The following DNTTIP1 variants were observed in gnomAD, a reference collection of about 807,000 sequenced individuals.
The protein encoded by DNTTIP1 is deoxynucleotidyltransferase terminal interacting protein 1, also known as deoxynucleotidyltransferase terminal-interacting protein 1.
A neutral mutation model predicts 52.9 loss-of-function variants in DNTTIP1; 22 were observed. That is an observed-to-expected ratio of 0.42 (90% confidence interval 0.30 to 0.59). The LOEUF (loss-of-function observed/expected upper bound fraction) is 0.59. DNTTIP1 is among the 20% of genes least tolerant of loss of function. The pLI is 0.22. For missense variants in DNTTIP1, 286 were observed against 435.5 expected (o/e 0.66, Z 3.06); for synonymous variants, 136 against 155.1 (o/e 0.88, Z 0.92).
At chr20:45,792,880 G>A in intron 2 of DNTTIP1, 133 bp downstream of exon 2, 2 of 705,060 alleles carry the variant, frequency 2.8e-6, no homozygotes, top group South Asian at 2.3e-5. Context: ...AGGAGACTCC[G>A]ATTCTGTAAC....
intron 10 of DNTTIP1, among the ~76,000 whole-genome samples, chr20:45,808,794 A>G (rs1568710418): frequency 6.6e-6 from 1 of 152,228 alleles, no homozygotes; most frequent in Non-Finnish European, 1.5e-5. Context: ...TACAGACGTT[A>G]TAAGCCACCT....
intron 4 of DNTTIP1, among the ~76,000 whole-genome samples, chr20:45,797,169 T>C (rs1601026127): frequency 6.6e-6 from 1 of 152,220 alleles, no homozygotes; most frequent in African/African-American, 2.4e-5. Flanking sequence ...AAAGATGAAT[T>C]AGATCATGTC....
Position 45,794,801 on chromosome 20 carries a change from A to ATT in DNTTIP1, c.274-528_274-527dup, listed in dbSNP as rs1225181993. ...TCATCTCTACTAAAAAAAAAAAAAAATTTTTTTTTTTTTTTTTGAGACAGA... is the reference window on the plus strand; with the variant it reads ...TCATCTCTACTAAAAAAAAAAAAAAATTTTTTTTTTTTTTTTTTTGAGACAGA... On this transcript the variant is annotated intron_variant, in intron 3 of 12. Coordinates refer to ENST00000372622, the MANE Select transcript of DNTTIP1 (RefSeq NM_052951.3). 7.0e-3 allele frequency among the ~76,000 whole-genome samples: 906 copies of ATT among 129,994 alleles called. 6 individuals carry two copies. Among genetic ancestry groups the ATT allele is most frequent in the Admixed American group, 0.012 (150 of 12,080 alleles). The allele number at this position is 129,994 out of a possible 152,430, so 85.3% of individuals were successfully genotyped here.
At position 45,801,079 on chromosome 20, in the gene DNTTIP1, A is replaced by T; in HGVS notation, c.378A>T (p.Lys126Asn). ...EACRSCLEQAKLLFSDGEKVI... is the reference protein window; with the variant it reads ...EACRSCLEQANLLFSDGEKVI... ...CTTGGTCTTTTTCCCTTCAGGCTAA[A>T]CTGCTCTTTTCAGATGGAGAAAAAG... Residue 126 changes from lysine (K) to asparagine (N), a missense_variant, in exon 5 of 13, where the codon AAA becomes AAT. Physicochemically the swap from Lys to Asn is moderately conservative, Grantham distance 94. This residue lies in a region of DNTTIP1 where 208 missense variants were observed against 266.5 expected (regional missense o/e 0.78). Transcript: ENST00000372622. 1 of 1,614,054 alleles carries T rather than the reference A, an allele frequency of 6.2e-7. No homozygotes were observed. Among genetic ancestry groups the T allele is most frequent in the Non-Finnish European group, 8.5e-7 (1 of 1,179,960 alleles).
rs753404688 is a variant in DNTTIP1 at position 45,811,230 on chromosome 20, T to G, written c.*35T>G. 3.8e-6 allele frequency: 6 copies of G among 1,574,050 alleles called. No homozygotes were observed. Among genetic ancestry groups the G allele is most frequent in the Non-Finnish European group, 5.2e-6 (6 of 1,162,578 alleles). ...CCCTGGCCACACTTGGCAGCCCTCC[T>G]CCAAAGCCCTCTTCCTCACGTGGCT... On this transcript the variant is annotated 3_prime_UTR_variant, in exon 13 of 13. Transcript: ENST00000372622.
At chr20:45,807,395 A>G (rs192667166) in intron 10 of DNTTIP1, among the ~76,000 whole-genome samples, 1 of 152,108 alleles carries the variant, frequency 6.6e-6, no homozygotes, top group South Asian at 2.1e-4. Flanking sequence ...TGCTGGAATT[A>G]TAGACTTGAG....
At position 45,791,988 on chromosome 20, in the gene DNTTIP1, T is replaced by G. The variant is rs537265654; in HGVS notation, c.-17T>G. 2 of 1,243,548 alleles carry G rather than the reference T, an allele frequency of 1.6e-6. No individual in the cohort carries two copies. The highest frequency in any genetic ancestry group is 1.5e-5 in the African/African-American group (1 of 64,948). The allele number at this position is 1,243,548 out of a possible 1,614,324, so 77.0% of individuals were successfully genotyped here. ...CCGGTGACAGAGTCCAGCGGAGTTG[T>G]GGGGGCCGGGGGCGCCATGGGAGCC... On this transcript the variant is annotated 5_prime_UTR_variant, in exon 1 of 13. Transcript: ENST00000372622.
rs1300872484 is a variant in DNTTIP1 at position 45,793,907 on chromosome 20, C to T, written c.177-14C>T. ...GGGACATGCCCCCTCACCCTGTCTC[C>T]CTCCTGAATGCAGTTTCACAGATCC... is the stretch of plus-strand genomic sequence containing the variant. On this transcript the variant is annotated splice_polypyrimidine_tract_variant and intron_variant, in intron 2 of 12. Transcript: ENST00000372622. 2 of 1,561,230 alleles carry T rather than the reference C, an allele frequency of 1.3e-6. No homozygotes were observed. Among genetic ancestry groups the T allele is most frequent in the Non-Finnish European group, 1.7e-6 (2 of 1,147,922 alleles).
Position 45,794,938 on chromosome 20 carries a change from A to G in DNTTIP1, c.274-407A>G, listed in dbSNP as rs1029449534. Reference sequence around the variant, plus strand: ...CCCAGCCTCCCAAGTAGCTGGGATTACAGGCATCCGCCACCACGCCCAGCT... The same window carrying G: ...CCCAGCCTCCCAAGTAGCTGGGATTGCAGGCATCCGCCACCACGCCCAGCT... On this transcript the variant is annotated intron_variant, in intron 3 of 12. Transcript: ENST00000372622. 5.9e-5 allele frequency among the ~76,000 whole-genome samples: 9 copies of G among 151,936 alleles called. No homozygotes were observed. In the East Asian group the frequency reaches 1.8e-3, roughly 30 times the overall value.
Position 45,795,405 on chromosome 20 carries a change from C to T in DNTTIP1, c.334C>T (p.Gln112Ter), listed in dbSNP as rs1981205328. The change falls in exon 4 of 13, where the codon CAG becomes TAG. Residue 112 changes from glutamine (Q) to a stop codon, truncating the protein, a stop_gained. Transcript: ENST00000372622. LOFTEE classifies it high-confidence loss of function. The part of the protein sequence containing the change: ...DNVGEEVDAE[Q>*]LIQEACRSCL... ...TGTTGGGGAGGAGGTGGACGCAGAG[C>T]AGCTGATCCAGGAAGCCTGTCGGAG... 1.2e-6 allele frequency: 2 copies of T among 1,611,214 alleles called. No individual in the cohort carries two copies. Among genetic ancestry groups the T allele is most frequent in the Non-Finnish European group, 1.7e-6 (2 of 1,178,608 alleles).
intron 4 of DNTTIP1, among the ~76,000 whole-genome samples, chr20:45,795,696 G>A (rs1981216201): frequency 6.6e-6 from 1 of 152,298 alleles, no homozygotes; most frequent in South Asian, 2.1e-4. Context: ...CTGCTTGGGA[G>A]CCATAGGCAC....
chr20:45,806,082 A>G (rs1422232043), intron 10 of DNTTIP1, among the ~76,000 whole-genome samples: 1 of 144,190 alleles, frequency 6.9e-6, no homozygotes, highest in Non-Finnish European at 1.5e-5. Context: ...GGGGTCTGGC[A>G]CAGTGGCTCA....
chr20:45,806,225 G>A (rs151280843), intron 10 of DNTTIP1, among the ~76,000 whole-genome samples: 2,467 of 147,184 alleles, frequency 0.017, 85 homozygotes, highest in African/African-American at 0.059. Flanking sequence ...GCATGATGGC[G>A]CATGCCTGTT....
Position 45,793,991 on chromosome 20 carries a change from C to A in DNTTIP1, c.247C>A (p.Gln83Lys), listed in dbSNP as rs751807155. The A allele has an allele frequency of 2.8e-5, 45 of 1,597,896 alleles. No individual in the cohort carries two copies. Among genetic ancestry groups the A allele is most frequent in the Non-Finnish European group, 3.8e-5 (45 of 1,172,090 alleles). Residue 83 changes from glutamine to lysine, a missense_variant, in exon 3 of 13, where the codon CAG becomes AAG. By Grantham distance (53) the Gln-to-Lys change is moderately conservative (BLOSUM62 1). Around this residue, in one of 2 missense-constraint regions of DNTTIP1, gnomAD observed 208 missense variants for 266.5 expected, o/e 0.78. Transcript: ENST00000372622. The part of the protein sequence containing the change: ...VLQPSINEEI[Q>K]TVFNKYMKFF... ...GCAGCCCAGCATCAACGAGGAGATCCAGACTGTCTTCAACAAGTACATGAA... is the reference window on the plus strand; with the variant it reads ...GCAGCCCAGCATCAACGAGGAGATCAAGACTGTCTTCAACAAGTACATGAA...
intron 1 of DNTTIP1, 91 bp from the exon 2 acceptor site, chr20:45,792,586 A>T: frequency 1.1e-6 from 1 of 948,680 alleles, no homozygotes; most frequent in Admixed American, 2.7e-5. Flanking sequence ...AGAAGCAGGG[A>T]TGTCCAGGTT....
At chr20:45,799,865 T>C (rs1601027539) in intron 4 of DNTTIP1, among the ~76,000 whole-genome samples, 1 of 142,898 alleles carries the variant, frequency 7.0e-6, no homozygotes, top group African/African-American at 2.5e-5. Context: ...CCCAACACTT[T>C]GGGAGGCTGA....
intron 1 of DNTTIP1, 38 bp from the exon 2 acceptor site, chr20:45,792,639 A>G (rs369058267): frequency 5.7e-5 from 87 of 1,538,898 alleles, no homozygotes; most frequent in Non-Finnish European, 7.6e-5. Context: ...CCCCAGTGTC[A>G]CAGGCCGCAG....
At chr20:45,798,882 CAA>C (rs1444812752) in intron 4 of DNTTIP1, among the ~76,000 whole-genome samples, 1 of 152,150 alleles carries the variant, frequency 6.6e-6, no homozygotes, top group Admixed American at 6.5e-5. Context: ...AAGGAACAAA[CAA>C]ATGATAAATG....
At chr20:45,807,956 A>T (rs997093295) in intron 10 of DNTTIP1, among the ~76,000 whole-genome samples, 3 of 151,998 alleles carry the variant, frequency 2.0e-5, no homozygotes, top group Admixed American at 6.6e-5. Flanking sequence ...TGTCTCAAAA[A>T]ATATATATAT....
Sources: allele counts gnomAD v4.1 joint callset (sites outside exome capture counted in the v4.1 genomes callset), GRCh38; gene constraint gnomAD v4.1.1; regional missense constraint gnomAD v4.1.1; transcripts MANE v1.5; gene names NCBI Gene and HGNC (gene_info 2026-07-23, HGNC 2026-07-21).